DOP1A: variants seen among roughly 807,000 people sequenced by gnomAD.
The protein encoded by DOP1A is protein DOP1A.
Under a neutral mutation model 267.6 loss-of-function variants are expected in DOP1A, and 90 were observed. The observed-to-expected ratio is 0.34, with a 90% CI of 0.28 to 0.40. DOP1A has a LOEUF of 0.40. Among genes scored for constraint, DOP1A ranks in the 10% least tolerant of loss-of-function variants. DOP1A has a pLI of 1.00. For missense variants in DOP1A, 2,437 were observed against 2,900.4 expected (o/e 0.84, Z 3.67); for synonymous variants, 932 against 999.1 (o/e 0.93, Z 1.27).
intron 3 of DOP1A, among the ~76,000 whole-genome samples, chr6:83,100,387 C>T (rs925461035): frequency 4.6e-5 from 7 of 152,024 alleles, no homozygotes; most frequent in African/African-American, 1.7e-4. Flanking sequence ...TTCCAGCTGT[C>T]TTCTCACATC....
chr6:83,167,979 A>C lies in DOP1A; in HGVS notation c.7210A>C (p.Ser2404Arg). The C allele has an allele frequency of 6.2e-7, 1 of 1,614,222 alleles. No individual in the cohort carries two copies. Among genetic ancestry groups the C allele is most frequent in the Non-Finnish European group, 8.5e-7 (1 of 1,180,036 alleles). Reference protein sequence around the residue: ...EQLLPFFNVLSQVFNSKVTSR... With the variant: ...EQLLPFFNVLRQVFNSKVTSR... The stretch of plus-strand genomic sequence containing the variant: ...GCTCCTGCCGTTCTTCAATGTGCTC[A>C]GTCAAGTCTTCAACAGCAAAGTCAC... Residue 2404 changes from serine (S) to arginine (R), a missense_variant, in exon 39 of 39, where the codon AGT (serine) becomes CGT (arginine). Transcript: ENST00000349129.
chr6:83,134,932 TA>T (rs1368756145), intron 19 of DOP1A, among the ~76,000 whole-genome samples: 1 of 152,156 alleles, frequency 6.6e-6, no homozygotes, highest in African/African-American at 2.4e-5. Context: ...TACTGAACGT[TA>T]TTTCAGCTGG....
intron 1 of DOP1A, 38 bp from the exon 2 acceptor site, chr6:83,096,693 A>C: frequency 2.4e-6 from 1 of 414,402 alleles, no homozygotes; most frequent in Non-Finnish European, 4.3e-6. Flanking sequence ...CTATGCTTTT[A>C]CTTACTAAAT....
At position 83,129,382 on chromosome 6, in the gene DOP1A, A is replaced by T. The variant is rs1340873442; in HGVS notation, c.2215A>T (p.Thr739Ser). The part of the protein sequence containing the change: ...VKEKNISKQK[T>S]SKEYLSAFLA... ...AGAGAAAAACATAAGTAAACAAAAA[A>T]CTTCTAAAGAATACCTGTCTGCCTT... The change falls in exon 16 of 39, where the codon ACT becomes TCT. Residue 739 changes from threonine (T) to serine (S), a missense_variant. Physicochemically the swap from Thr to Ser is moderately conservative, Grantham distance 58 (BLOSUM62 1). Coordinates refer to ENST00000349129, the MANE Select transcript of DOP1A (RefSeq NM_015018.4). 1 of 1,611,418 alleles carries T rather than the reference A, an allele frequency of 6.2e-7. No individual in the cohort carries two copies. The highest frequency in any genetic ancestry group is 2.2e-5 in the East Asian group (1 of 44,846).
chr6:83,093,459 A>C (rs2128106121), intron 1 of DOP1A, among the ~76,000 whole-genome samples: 2 of 152,348 alleles, frequency 1.3e-5, no homozygotes, highest in East Asian at 3.9e-4. Context: ...CATTGGCTAT[A>C]TTCTCTAGTG....
At chr6:83,140,940 T>C (rs1225572249) in intron 23 of DOP1A, among the ~76,000 whole-genome samples, 1 of 152,140 alleles carries the variant, frequency 6.6e-6, no homozygotes, top group African/African-American at 2.4e-5. Flanking sequence ...TTTAGCAATA[T>C]GTATAGAGAG....
chr6:83,152,489 T>G (rs1781887408), intron 30 of DOP1A, 122 bp downstream of exon 30: 1 of 415,110 alleles, frequency 2.4e-6, no homozygotes. Context: ...TAGAAATCAC[T>G]ATATAGAATT....
At chr6:83,105,673 G>A (rs1360943826) in intron 4 of DOP1A, among the ~76,000 whole-genome samples, 2 of 152,016 alleles carry the variant, frequency 1.3e-5, no homozygotes, top group Non-Finnish European at 2.9e-5. Flanking sequence ...GAGCATGGAT[G>A]TCTTAAAGAT....
At chr6:83,165,595 T>C (rs1174525214) in intron 38 of DOP1A, 1 of 175,780 alleles carries the variant, frequency 5.7e-6, no homozygotes, top group Non-Finnish European at 1.2e-5. Context: ...CTTCCAAATT[T>C]GACGAACTCT....
At chr6:83,091,363 T>C (rs570654161) in intron 1 of DOP1A, among the ~76,000 whole-genome samples, 15 of 152,286 alleles carry the variant, frequency 9.8e-5, no homozygotes, top group African/African-American at 3.6e-4. Flanking sequence ...CTCTTCTCAT[T>C]TTTCAGCAAT....
chr6:83,157,438 T>G, intron 35 of DOP1A, 120 bp downstream of exon 35: 1 of 1,040,948 alleles, frequency 9.6e-7, no homozygotes, highest in Non-Finnish European at 1.4e-6. Context: ...TTAAACCAGT[T>G]ACTGATGCTT....
At chr6:83,074,598 T>A (rs762034264) in intron 1 of DOP1A, among the ~76,000 whole-genome samples, 23 of 152,246 alleles carry the variant, frequency 1.5e-4, no homozygotes, top group Non-Finnish European at 2.8e-4. Context: ...ATAAATTACA[T>A]GAGCTATTCA....
intron 10 of DOP1A, among the ~76,000 whole-genome samples, chr6:83,121,059 C>T (rs1205695331): frequency 2.0e-5 from 3 of 151,734 alleles, no homozygotes; most frequent in African/African-American, 4.8e-5. Flanking sequence ...GATTGTATTA[C>T]TGAAATTAAA....
rs188246058 is a variant in DOP1A, at chr6:83,129,236, A to G, written c.2069A>G (p.Asn690Ser). ...CAACAGTTTCTTACCAGACTTATCAACCTCTACATCATTCAGAATAACTCT... is the reference window on the plus strand; with the variant it reads ...CAACAGTTTCTTACCAGACTTATCAGCCTCTACATCATTCAGAATAACTCT... Reference protein sequence around the residue: ...YVQQFLTRLINLYIIQNNSFS... With the variant: ...YVQQFLTRLISLYIIQNNSFS... Residue 690 changes from asparagine (N) to serine (S), a missense_variant, in exon 16 of 39, where the codon AAC becomes AGC. Coordinates refer to ENST00000349129, the MANE Select transcript of DOP1A (RefSeq NM_015018.4). 6.2e-7 allele frequency: 1 copy of G among 1,613,550 alleles called. No individual in the cohort carries two copies. Among genetic ancestry groups the G allele is most frequent in the Admixed American group, 1.7e-5 (1 of 59,944 alleles).
chr6:83,160,025 C>G, intron 37 of DOP1A, 65 bp downstream of exon 37: 1 of 1,491,580 alleles, frequency 6.7e-7, no homozygotes, highest in South Asian at 1.2e-5. Flanking sequence ...TCACTGACAT[C>G]TATGACTAAT....
Position 83,168,168 on chromosome 6 carries a change from G to GCAC in DOP1A, c.*4_*6dup. ...TCTGGAAGGGATGATAAAAACTTGA[G>GCAC]CACCATTGCTGGTTCCATTTAGCTT... On this transcript the variant is annotated 3_prime_UTR_variant, in exon 39 of 39. Coordinates refer to ENST00000349129, the MANE Select transcript of DOP1A (RefSeq NM_015018.4). 6.2e-7 allele frequency: 1 copy of GCAC among 1,610,786 alleles called. No individual in the cohort carries two copies. Among genetic ancestry groups the GCAC allele is most frequent in the South Asian group, 1.1e-5 (1 of 90,572 alleles).
intron 22 of DOP1A, 23 bp from the exon 23 acceptor site, chr6:83,140,198 T>A: frequency 6.2e-7 from 1 of 1,606,382 alleles, no homozygotes; most frequent in Non-Finnish European, 8.5e-7. Context: ...GTAATATGTT[T>A]CTTTTCCCCC....
Position 83,138,749 on chromosome 6 carries a change from G to C in DOP1A, c.4707G>C (p.Glu1569Asp), listed in dbSNP as rs538625447. ...FSEDSLINFS[E>D]DEFDNGSTLQ... ...AGGACAGCCTTATTAATTTCTCAGA[G>C]GATGAATTTGACAATGGCAGCACGT... The change falls in exon 21 of 39, where the codon GAG becomes GAC. Residue 1569 changes from glutamate (E) to aspartate (D), a missense_variant. By Grantham distance (45) the Glu-to-Asp change is conservative (BLOSUM62 2). Transcript: ENST00000349129. The C allele has an allele frequency of 1.2e-6, 2 of 1,614,018 alleles. No homozygotes were observed. Among genetic ancestry groups the C allele is most frequent in the African/African-American group, 2.7e-5 (2 of 75,018 alleles).
rs200086112 is a variant in DOP1A at position 83,145,534 on chromosome 6, C to T, written c.5552C>T (p.Ala1851Val). Residue 1851 changes from alanine (A) to valine (V), a missense_variant, in exon 25 of 39, where the codon GCA (alanine) becomes GTA (valine). By Grantham distance (64) the Ala-to-Val change is moderately conservative. Around this residue, in one of 9 missense-constraint regions of DOP1A, gnomAD observed 307 missense variants for 308.6 expected, o/e 0.99. Transcript: ENST00000349129. Reference protein sequence around the residue: ...KTTTRTKVIPAASEEQLLLVE... With the variant: ...KTTTRTKVIPVASEEQLLLVE... Reference sequence around the variant, plus strand: ...TGATTTATTACCTAGGTCATTCCTGCAGCCAGTGAAGAACAGCTTTTATTA... The same window carrying T: ...TGATTTATTACCTAGGTCATTCCTGTAGCCAGTGAAGAACAGCTTTTATTA... 1.3e-4 allele frequency: 214 copies of T among 1,596,450 alleles called. 2 individuals carry two copies. The highest frequency in any genetic ancestry group is 5.1e-5 in the Admixed American group (3 of 58,380).
Sources: gnomAD v4.1 joint callset for allele counts (sites outside exome capture counted in the v4.1 genomes callset) on GRCh38, gnomAD v4.1.1 for gene constraint, gnomAD v4.1.1 regional missense constraint, MANE v1.5 for transcripts, NCBI Gene and HGNC (gene_info 2026-07-23, HGNC 2026-07-21) for gene names.